The following PCDH15 variants were observed in gnomAD, a reference collection of about 807,000 sequenced individuals.
PCDH15 encodes protocadherin related 15.
In PCDH15, 129 loss-of-function variants were observed where a neutral mutation model predicts 178.5. The ratio of observed to expected loss-of-function variants is 0.72; its 90% CI spans 0.63 to 0.84. The LOEUF is 0.84. Among genes scored for constraint, PCDH15 ranks in the 40% least tolerant of loss-of-function variants. PCDH15 has a pLI of 0.00. For missense variants in PCDH15, 2,230 were observed against 2,099.9 expected (o/e 1.06, Z -1.21); for synonymous variants, 800 against 732.0 (o/e 1.09, Z -1.50).
chr10:54,775,418 T>C (rs61854136), intron 1 of PCDH15, among the ~76,000 whole-genome samples: 164 of 152,344 alleles, frequency 1.1e-3, no homozygotes, highest in Middle Eastern at 3.4e-3. Context: ...ACACACAACG[T>C]ATAGTAATCA....
chr10:55,498,017 G>A (rs541617355), intron 2 of PCDH15, among the ~76,000 whole-genome samples: 23 of 151,896 alleles, frequency 1.5e-4, no homozygotes, highest in Admixed American at 1.4e-3. Flanking sequence ...ACTCTTAAGT[G>A]CAGCTTCATT....
intron 26 of PCDH15, among the ~76,000 whole-genome samples, chr10:53,870,942 A>C (rs1188080405): frequency 2.6e-5 from 4 of 152,090 alleles, no homozygotes; most frequent in Non-Finnish European, 5.9e-5. Flanking sequence ...TATTGTCTCT[A>C]TTTGTTGTTA....
At chr10:55,097,685 C>CAGAT (rs201824567) in intron 2 of PCDH15, among the ~76,000 whole-genome samples, 44 of 151,654 alleles carry the variant, frequency 2.9e-4, no homozygotes, top group African/African-American at 9.9e-4. Context: ...AAGAAGTCAC[C>CAGAT]AGATAGATAG....
intron 13 of PCDH15, among the ~76,000 whole-genome samples, chr10:54,170,729 G>A (rs948404196): frequency 9.9e-5 from 15 of 152,000 alleles, no homozygotes; most frequent in East Asian, 1.9e-4. Context: ...CCCTGATCAC[G>A]CTTGATTTAT....
chr10:55,077,970 G>T (rs1411508254), intron 2 of PCDH15, among the ~76,000 whole-genome samples: 2 of 152,072 alleles, frequency 1.3e-5, no homozygotes, highest in Non-Finnish European at 2.9e-5. Context: ...TTACTTCCAG[G>T]TTCAGAACTT....
rs531833964 is a variant in PCDH15 at position 55,074,892 on chromosome 10, A to G, written c.-80+91684T>C. Among the ~76,000 whole-genome samples, 3 of 152,210 alleles carry G rather than the reference A, an allele frequency of 2.0e-5. No homozygotes were observed. In the South Asian group the frequency reaches 6.2e-4, roughly 32 times the overall value. On this transcript the variant is annotated intron_variant, in intron 2 of 5. Coordinates refer to the PCDH15 transcript ENST00000458638. ...TAATCCATCTTGAGATAATTTTTGT[A>G]TAAGGTATATGGAAGGGGTCCAGTT...
chr10:53,857,731 CT>C (rs1267332652), intron 27 of PCDH15, among the ~76,000 whole-genome samples: 13 of 152,064 alleles, frequency 8.5e-5, no homozygotes, highest in African/African-American at 2.7e-4. Context: ...GTTTTCTTGT[CT>C]ATTTAACCAA....
chr10:55,386,243 A>AT (rs1231773077), intron 2 of PCDH15, among the ~76,000 whole-genome samples: 2 of 151,996 alleles, frequency 1.3e-5, no homozygotes, highest in African/African-American at 2.4e-5. Context: ...CTCATGAGTA[A>AT]TTTTTATATC....
At chr10:54,082,802 G>C (rs1443141874) in intron 16 of PCDH15, among the ~76,000 whole-genome samples, 2 of 149,914 alleles carry the variant, frequency 1.3e-5, no homozygotes, top group Non-Finnish European at 3.0e-5. Flanking sequence ...ACATTATCGA[G>C]AAAGTAAAAA....
intron 1 of PCDH15, among the ~76,000 whole-genome samples, chr10:54,770,147 T>C (rs1048326345): frequency 2.6e-5 from 4 of 152,266 alleles, no homozygotes; most frequent in African/African-American, 9.6e-5. Flanking sequence ...AGAGCTGCTC[T>C]AAGGCATAGA....
Position 54,277,938 on chromosome 10 carries a change from C to T in PCDH15, c.876+39333G>A, listed in dbSNP as rs529577203. Among the ~76,000 whole-genome samples, 5 of 151,466 alleles carry T rather than the reference C, an allele frequency of 3.3e-5. No homozygotes were observed. The East Asian group carries it at 9.7e-4, about 29-fold the overall frequency. On this transcript the variant is annotated intron_variant, in intron 8 of 37. Coordinates refer to ENST00000644397, the MANE Select transcript of PCDH15 (RefSeq NM_001384140.1). ...ATTACCTGAAATGAAGAAAATAGCA[C>T]ACATTTGTAATTTGAGTTGCTTATT...
intron 1 of PCDH15, among the ~76,000 whole-genome samples, chr10:55,240,184 T>A (rs72803813): frequency 0.1 from 15,814 of 152,168 alleles, 1,142 homozygotes; most frequent in Non-Finnish European, 0.16. Context: ...TGCATATATA[T>A]TCAAAAGAAA....
chr10:55,504,182 A>G (rs1483278763), intron 2 of PCDH15, among the ~76,000 whole-genome samples: 1 of 151,390 alleles, frequency 6.6e-6, no homozygotes, highest in Non-Finnish European at 1.5e-5. Context: ...CTAATGACAT[A>G]TAATTGTAGA....
In PCDH15 at chr10:53,938,803, A is replaced by T; in HGVS notation, c.3373+12T>A. Reference sequence around the variant, plus strand: ...TACAATTCTGGTAAAAGCTTTAAGTAGTATAACTTACTTTTTGAAGGAACT... The same window carrying T: ...TACAATTCTGGTAAAAGCTTTAAGTTGTATAACTTACTTTTTGAAGGAACT... On this transcript the variant is annotated intron_variant, in intron 25 of 37. Coordinates refer to ENST00000644397, the MANE Select transcript of PCDH15 (RefSeq NM_001384140.1). The T allele has an allele frequency of 6.2e-7, 1 of 1,611,840 alleles. No individual in the cohort carries two copies.
intron 3 of PCDH15, among the ~76,000 whole-genome samples, chr10:54,511,440 C>G (rs533169824): frequency 9.9e-5 from 15 of 152,210 alleles, no homozygotes; most frequent in South Asian, 8.3e-4. Flanking sequence ...CGCCTACCAC[C>G]AGAAACAGAG....
intron 1 of PCDH15, among the ~76,000 whole-genome samples, chr10:55,270,464 T>C (rs545569270): frequency 6.6e-6 from 1 of 150,654 alleles, no homozygotes; most frequent in African/African-American, 2.4e-5. Flanking sequence ...AATAACTCCA[T>C]TTAAAAAATG....
At chr10:54,715,359 G>A (rs752893287) in intron 1 of PCDH15, among the ~76,000 whole-genome samples, 1 of 150,876 alleles carries the variant, frequency 6.6e-6, no homozygotes, top group South Asian at 2.1e-4. Flanking sequence ...TTGTTAAATC[G>A]CCCATGCACT....
intron 2 of PCDH15, among the ~76,000 whole-genome samples, chr10:55,022,007 G>A (rs1260469674): frequency 6.6e-6 from 1 of 152,148 alleles, no homozygotes; most frequent in Non-Finnish European, 1.5e-5. Flanking sequence ...GTAGAGAGTA[G>A]AATGATAGCT....
chr10:55,499,945 T>C (rs1221326053), intron 2 of PCDH15, among the ~76,000 whole-genome samples: 1 of 151,708 alleles, frequency 6.6e-6, no homozygotes, highest in Non-Finnish European at 1.5e-5. Context: ...TGTGTGAATA[T>C]AAAAATGCAC....
Sources: allele counts gnomAD v4.1 joint callset (sites outside exome capture counted in the v4.1 genomes callset), GRCh38; gene constraint gnomAD v4.1.1; transcripts MANE v1.5; gene names NCBI Gene and HGNC (gene_info 2026-07-23, HGNC 2026-07-21).